EVA1A: variants seen among roughly 807,000 people sequenced by gnomAD.
The protein encoded by EVA1A is eva-1 homolog A, regulator of programmed cell death.
In EVA1A, 7 loss-of-function variants were observed where a neutral mutation model predicts 9.8. The observed-to-expected ratio is 0.71, with a 90% confidence interval of 0.41 to 1.34. The LOEUF is 1.34. EVA1A is among the 40% of genes most tolerant of loss of function. The pLI is 0.01. For missense variants in EVA1A, 206 were observed against 205.9 expected (o/e 1.00, Z 0.00); for synonymous variants, 90 against 85.6 (o/e 1.05, Z -0.28).
At chr2:75,511,337 A>G (rs1674804202) in intron 3 of EVA1A, among the ~76,000 whole-genome samples, 1 of 152,224 alleles carries the variant, frequency 6.6e-6, no homozygotes. Context: ...TATTTATTGC[A>G]GCTCTGTTTG....
At chr2:75,555,346 C>T (rs1262057598) in intron 1 of EVA1A, among the ~76,000 whole-genome samples, 4 of 65,318 alleles carry the variant, frequency 6.1e-5, no homozygotes, top group Non-Finnish European at 3.7e-5. Context: ...TCCCCCATCT[C>T]CCCTTCTTTC....
intron 1 of EVA1A, among the ~76,000 whole-genome samples, chr2:75,546,587 C>T (rs182742758): frequency 6.6e-6 from 1 of 152,108 alleles, no homozygotes; most frequent in Non-Finnish European, 1.5e-5. Flanking sequence ...ATGAAGACAC[C>T]TTGGAGAAGG....
Position 75,492,518 on chromosome 2 carries a change from C to T in EVA1A, c.*718G>A, listed in dbSNP as rs1160227768. On this transcript the variant is annotated 3_prime_UTR_variant, in exon 4 of 4. Transcript: ENST00000393913. ...AAAACACACCACTTTTATTTTTATG[C>T]AGCATTTTCAAATATGCATGTCAAT... 1 of 151,958 alleles carries T rather than the reference C, an allele frequency of 6.6e-6. No homozygotes were observed. Among genetic ancestry groups the T allele is most frequent in the Non-Finnish European group, 1.5e-5 (1 of 67,958 alleles). 9.4% of individuals were successfully genotyped at this position (151,958 alleles called of 1,614,324 possible).
At chr2:75,556,689 C>T (rs1285212485) in intron 1 of EVA1A, among the ~76,000 whole-genome samples, 1 of 152,170 alleles carries the variant, frequency 6.6e-6, no homozygotes, top group Non-Finnish European at 1.5e-5. Flanking sequence ...TTCCAGGGAC[C>T]AGTTTCCTAG....
At chr2:75,547,591 T>C (rs2103958694) in intron 1 of EVA1A, among the ~76,000 whole-genome samples, 1 of 152,312 alleles carries the variant, frequency 6.6e-6, no homozygotes, top group Middle Eastern at 3.4e-3. Context: ...TCTGGAAGAA[T>C]CAGTCCACTG....
intron 1 of EVA1A, among the ~76,000 whole-genome samples, chr2:75,544,232 C>T (rs1407570864): frequency 6.6e-6 from 1 of 152,194 alleles, no homozygotes; most frequent in Non-Finnish European, 1.5e-5. Flanking sequence ...TGAGCAAGTA[C>T]ACTACCATCA....
At chr2:75,555,132 A>G (rs1448969920) in intron 1 of EVA1A, among the ~76,000 whole-genome samples, 1 of 152,106 alleles carries the variant, frequency 6.6e-6, no homozygotes, top group Non-Finnish European at 1.5e-5. Context: ...ATATGCACCC[A>G]TCCTCTGTGG....
At chr2:75,565,991 C>T (rs1308870157) in intron 1 of EVA1A, among the ~76,000 whole-genome samples, 1 of 152,156 alleles carries the variant, frequency 6.6e-6, no homozygotes, top group African/African-American at 2.4e-5. Flanking sequence ...CTCTCTCTTT[C>T]TCTCTCTATC....
chr2:75,500,474 G>A (rs541430014), intron 3 of EVA1A, among the ~76,000 whole-genome samples: 1 of 152,252 alleles, frequency 6.6e-6, no homozygotes, highest in East Asian at 1.9e-4. Context: ...ACTGAATCAT[G>A]CCTCCTTCTG....
At chr2:75,512,676 A>C (rs1223889204) in intron 3 of EVA1A, among the ~76,000 whole-genome samples, 1 of 152,136 alleles carries the variant, frequency 6.6e-6, no homozygotes. Flanking sequence ...ACCATCATCA[A>C]GTCCTTTCTT....
chr2:75,533,140 C>A (rs1457858627), intron 1 of EVA1A, among the ~76,000 whole-genome samples: 1 of 146,332 alleles, frequency 6.8e-6, no homozygotes, highest in African/African-American at 2.6e-5. Flanking sequence ...CAGAGTGAGA[C>A]CCTGTCTTTA....
intron 3 of EVA1A, among the ~76,000 whole-genome samples, chr2:75,498,090 T>A (rs922838544): frequency 2.0e-5 from 3 of 152,022 alleles, no homozygotes; most frequent in African/African-American, 7.2e-5. Flanking sequence ...TAGGTGCCCA[T>A]CAAGAGAGGA....
intron 1 of EVA1A, chr2:75,540,958 T>C (rs916557956): frequency 6.6e-6 from 1 of 152,340 alleles, no homozygotes; most frequent in East Asian, 1.9e-4. Flanking sequence ...GGACGCAGCA[T>C]GCAAGATGCT....
chr2:75,542,729 G>C (rs1169958990), intron 1 of EVA1A: 1 of 152,218 alleles, frequency 6.6e-6, no homozygotes, highest in South Asian at 2.1e-4. Context: ...TGGGTGATAA[G>C]GTCTTTGAAA....
intron 1 of EVA1A, among the ~76,000 whole-genome samples, chr2:75,549,077 T>A (rs919667350): frequency 2.6e-5 from 4 of 151,248 alleles, no homozygotes; most frequent in Non-Finnish European, 1.5e-5. Flanking sequence ...GCTGTTGCTT[T>A]ATGGGCACAC....
chr2:75,562,867 T>C (rs1676953391), upstream of EVA1A, among the ~76,000 whole-genome samples: 1 of 152,198 alleles, frequency 6.6e-6, no homozygotes, highest in African/African-American at 2.4e-5. Flanking sequence ...ATACAATCAG[T>C]GCTCAGTAAA....
At chr2:75,497,735 C>CCA (rs1674261420) in intron 3 of EVA1A, among the ~76,000 whole-genome samples, 1 of 150,198 alleles carries the variant, frequency 6.7e-6, no homozygotes. Context: ...CCTGTAGTCC[C>CCA]AGCTACTTCT....
intron 1 of EVA1A, among the ~76,000 whole-genome samples, chr2:75,555,300 AAT>A (rs1676664643): frequency 6.0e-4 from 16 of 26,628 alleles, no homozygotes; most frequent in South Asian, 1.4e-3. Flanking sequence ...ATCAAAACTC[AAT>A]CTCTCTCTCT....
At chr2:75,517,745 C>G in intron 3 of EVA1A, 1 of 714,582 alleles carries the variant, frequency 1.4e-6, no homozygotes, top group Non-Finnish European at 2.6e-6. Flanking sequence ...CATCAGCCCC[C>G]TCCTTGGTCA....
Sources: gnomAD v4.1 joint callset for allele counts (sites outside exome capture counted in the v4.1 genomes callset) on GRCh38, gnomAD v4.1.1 for gene constraint, MANE v1.5 for transcripts, NCBI Gene and HGNC (gene_info 2026-07-23, HGNC 2026-07-21) for gene names.